The following QRSL1 variants were observed in gnomAD, a reference collection of about 807,000 sequenced individuals.
QRSL1 encodes glutaminyl-tRNA amidotransferase subunit QRSL1.
A neutral mutation model predicts 61.6 loss-of-function variants in QRSL1; 54 were observed. The observed-to-expected ratio is 0.88, with a 90% CI of 0.70 to 1.10. The LOEUF is 1.10. Ranked by LOEUF, QRSL1 falls within the 50% of genes least tolerant of loss-of-function variation. The pLI, the probability that QRSL1 is intolerant of heterozygous loss-of-function variation, is 0.00. For synonymous variants in QRSL1, 228 were observed against 225.7 expected, an observed-to-expected ratio of 1.01 and a Z score of -0.09; for missense variants, 505 against 622.6, an observed-to-expected ratio of 0.81 and a Z score of 2.01.
chr6:106,653,168 T>C (rs1777213528), intron 7 of QRSL1: 1 of 158,242 alleles, frequency 6.3e-6, no homozygotes, highest in Non-Finnish European at 1.4e-5. Context: ...ATGAATGTTA[T>C]AATGTTAAAT....
rs1436285461 is a variant in QRSL1 at position 106,663,139 on chromosome 6, C to A, written c.1320C>A (p.Thr440=). Residue 440 remains threonine (T), a synonymous_variant, in exon 10 of 11, where the codon ACC becomes ACA. Coordinates refer to ENST00000369046, the MANE Select transcript of QRSL1 (RefSeq NM_018292.5). ...YLEFIKEDNR[T]RSAQDDIFTQ... ...AGTTCATCAAAGAGGACAACAGAAC[C>A]CGAAGTGCCCAGGATGATATTTTTA... The A allele has an allele frequency of 6.2e-7, 1 of 1,614,056 alleles. No individual in the cohort carries two copies. Among genetic ancestry groups the A allele is most frequent in the Non-Finnish European group, 8.5e-7 (1 of 1,180,040 alleles).
At position 106,652,380 on chromosome 6, in the gene QRSL1, G is replaced by A. The variant is rs1469891870; in HGVS notation, c.729G>A (p.Val243=). Residue 243 remains valine, a synonymous_variant, in exon 6 of 11, where the codon GTG becomes GTA. Transcript: ENST00000369046. ...GATGTGTGGATGATGCAGCAATTGT[G>A]TTGGGTATTTATATAATTCTATATC... is the stretch of plus-strand genomic sequence containing the variant. ...LTRCVDDAAI[V]LGALAGPDPR... is the part of the protein sequence containing the mutation. 2.5e-6 allele frequency: 4 copies of A among 1,613,958 alleles called. No individual in the cohort carries two copies. In the African/African-American group the frequency reaches 4.0e-5, roughly 16 times the overall value.
intron 10 of QRSL1, 98 bp downstream of exon 10, chr6:106,663,283 A>C: frequency 8.7e-7 from 1 of 1,156,062 alleles, no homozygotes; most frequent in Non-Finnish European, 1.3e-6. Flanking sequence ...TCCGAAAAGC[A>C]AAAGTCTATC....
rs551986237 is a variant in QRSL1, at chr6:106,666,764, T to C, written c.*762T>C. 3 of 152,406 alleles carry C rather than the reference T, an allele frequency of 2.0e-5. No homozygotes were observed. The East Asian group carries it at 5.8e-4, about 29-fold the overall frequency. 9.4% of individuals were successfully genotyped at this position (152,406 alleles called of 1,614,324 possible). ...ATGCACAGAAACAATTGAGTGCGAT[T>C]ATTGGCTTCTGAGCGCTGAGCAGAG... On this transcript the variant is annotated 3_prime_UTR_variant, in exon 11 of 11. Transcript: ENST00000369046.
chr6:106,665,166 T>C (rs1777411398), intron 10 of QRSL1, among the ~76,000 whole-genome samples: 1 of 152,226 alleles, frequency 6.6e-6, no homozygotes, highest in African/African-American at 2.4e-5. Context: ...CTTGTTTTAT[T>C]GTATAACAAG....
At chr6:106,652,934 G>A in intron 7 of QRSL1, 2 of 562,066 alleles carry the variant, frequency 3.6e-6, no homozygotes, top group Non-Finnish European at 5.9e-6. Flanking sequence ...CAGACAATAT[G>A]TAAATGAAAA....
chr6:106,665,811 C>G lies in QRSL1; in HGVS notation c.1396C>G (p.Leu466Val), dbSNP rs1006824090. 6.2e-7 allele frequency: 1 copy of G among 1,613,828 alleles called. No homozygotes were observed. Among genetic ancestry groups the G allele is most frequent in the Non-Finnish European group, 8.5e-7 (1 of 1,179,856 alleles). ...GLPAVSIPVA[L>V]SNQGLPIGLQ... ...GCCAGCAGTGAGTATCCCTGTTGCA[C>G]TCTCAAACCAAGGGTTGCCAATAGG... The change falls in exon 11 of 11, where the codon CTC becomes GTC. Residue 466 changes from leucine (L) to valine (V), a missense_variant. Leu to Val is a conservative substitution (Grantham distance 32). Coordinates refer to ENST00000369046, the MANE Select transcript of QRSL1 (RefSeq NM_018292.5).
chr6:106,650,537 TTTACCCCTTTTTGATTTG>T (rs1777175507), intron 5 of QRSL1, among the ~76,000 whole-genome samples: 1 of 2,508 alleles, frequency 4.0e-4, no homozygotes. Flanking sequence ...TTTTGATTTG[TTTACCCCTTTTTGATTTG>T]TTTACCCCTT....
chr6:106,655,788 T>A lies in QRSL1; in HGVS notation c.1160+56T>A. ...TTCTTGAAACCTCAAGTAACATGTC[T>A]CTTATCAGGTCTTATAAGTCAAGGT... On this transcript the variant is annotated intron_variant, in intron 9 of 10. Transcript: ENST00000369046. The A allele has an allele frequency of 3.0e-6, 3 of 1,011,364 alleles. No individual in the cohort carries two copies. The South Asian group carries it at 3.9e-5, about 13-fold the overall frequency. 62.6% of individuals were successfully genotyped at this position (1,011,364 alleles called of 1,614,324 possible). A position where few individuals can be genotyped will look rare whatever the true frequency, so the allele number is the denominator to read the frequency against.
At chr6:106,653,188 T>C (rs1186336277) in intron 7 of QRSL1, 1 of 157,640 alleles carries the variant, frequency 6.3e-6, no homozygotes, top group African/African-American at 2.4e-5. Context: ...TTACTAACCT[T>C]TTAAAAATAT....
rs774892031 is a variant in QRSL1, at chr6:106,665,763, G to T, written c.1367-19G>T. Reference sequence around the variant, plus strand: ...AGGGTGGAGAATTAATCACCTACTGGGTTTCCTTCTTTTCCCAGGATTGCC... The same window carrying T: ...AGGGTGGAGAATTAATCACCTACTGTGTTTCCTTCTTTTCCCAGGATTGCC... On this transcript the variant is annotated intron_variant, in intron 10 of 10. Transcript: ENST00000369046. 1 of 1,605,870 alleles carries T rather than the reference G, an allele frequency of 6.2e-7. No individual in the cohort carries two copies. The highest frequency in any genetic ancestry group is 1.3e-5 in the African/African-American group (1 of 74,742).
intron 1 of QRSL1, 124 bp downstream of exon 1, chr6:106,629,829 T>TG: frequency 8.4e-7 from 1 of 1,196,414 alleles, no homozygotes; most frequent in South Asian, 1.3e-5. Context: ...TAGAACTGAG[T>TG]GGGGGATAAG....
At chr6:106,635,379 A>G (rs1239910947) in intron 1 of QRSL1, among the ~76,000 whole-genome samples, 1 of 152,178 alleles carries the variant, frequency 6.6e-6, no homozygotes, top group Non-Finnish European at 1.5e-5. Context: ...AAGGAGTACT[A>G]TAAAATGAGG....
chr6:106,642,041 A>ATTTTTTG (rs1247515427), intron 3 of QRSL1, among the ~76,000 whole-genome samples: 4 of 152,084 alleles, frequency 2.6e-5, no homozygotes, highest in African/African-American at 9.7e-5. Flanking sequence ...TAGACTCTTG[A>ATTTTTTG]TTTTTTGTTT....
In QRSL1 at chr6:106,666,122, G is replaced by T. The variant is rs570369613; in HGVS notation, c.*120G>T. 31 of 785,622 alleles carry T rather than the reference G, an allele frequency of 3.9e-5. No individual in the cohort carries two copies. The highest frequency in any genetic ancestry group is 6.2e-5 in the Non-Finnish European group (30 of 481,534). The allele number at this position is 785,622 out of a possible 1,614,324, so 48.7% of individuals were successfully genotyped here. Reference sequence around the variant, plus strand: ...AGGTCAGAAGATCTAGAACAGCCTGGTCAACATGGTGAAACCCCGTCTCTA... The same window carrying T: ...AGGTCAGAAGATCTAGAACAGCCTGTTCAACATGGTGAAACCCCGTCTCTA... On this transcript the variant is annotated 3_prime_UTR_variant, in exon 11 of 11. Transcript: ENST00000369046.
intron 10 of QRSL1, among the ~76,000 whole-genome samples, 190 bp from the exon 11 acceptor site, chr6:106,665,592 A>T (rs1777418302): frequency 6.6e-6 from 1 of 152,248 alleles, no homozygotes; most frequent in Admixed American, 6.5e-5. Context: ...CTGTGAACTG[A>T]TACAGAATGA....
At chr6:106,639,127 T>TTTTG (rs1776973055) in intron 1 of QRSL1, among the ~76,000 whole-genome samples, 1 of 137,856 alleles carries the variant, frequency 7.3e-6, no homozygotes, top group African/African-American at 2.8e-5. Context: ...TTGTTTTTTT[T>TTTTG]TTTTTTTTTT....
chr6:106,642,532 G>A, intron 3 of QRSL1: 1 of 705,558 alleles, frequency 1.4e-6, no homozygotes, highest in Non-Finnish European at 2.6e-6. Context: ...ACAGGGAGTT[G>A]TTTGCCATGT....
intron 3 of QRSL1, 170 bp from the exon 4 acceptor site, chr6:106,642,824 C>T: frequency 1.3e-6 from 1 of 754,692 alleles, no homozygotes; most frequent in South Asian, 1.5e-5. Context: ...TACCTGGGTT[C>T]AACTGACGTG....
Sources: gnomAD v4.1 joint callset for allele counts (sites outside exome capture counted in the v4.1 genomes callset) on GRCh38, gnomAD v4.1.1 for gene constraint, MANE v1.5 for transcripts, NCBI Gene and HGNC (gene_info 2026-07-23, HGNC 2026-07-21) for gene names.